The following BTBD10 variants were observed in gnomAD, a reference collection of about 807,000 sequenced individuals.
BTBD10 encodes the protein BTB domain containing 10, also known as BTB/POZ domain-containing protein 10.
In BTBD10, 21 loss-of-function variants were observed where a neutral mutation model predicts 53.2. That is an observed-to-expected ratio of 0.39 (90% confidence interval 0.28 to 0.57). The LOEUF is 0.57. Ranked by LOEUF, BTBD10 falls within the 20% of genes least tolerant of loss-of-function variation. The pLI is 0.53. For synonymous variants in BTBD10, 149 were observed against 192.7 expected (o/e 0.77, Z 1.88); for missense variants, 360 against 594.7 (o/e 0.61, Z 4.10).
chr11:13,389,562 G>A (rs555583056), intron 8 of BTBD10, among the ~76,000 whole-genome samples: 5 of 152,112 alleles, frequency 3.3e-5, no homozygotes, highest in East Asian at 1.9e-4. Flanking sequence ...AGAGTAGCGC[G>A]GATTACAGGC....
chr11:13,412,437 A>T (rs1949978032), intron 6 of BTBD10, among the ~76,000 whole-genome samples: 1 of 152,118 alleles, frequency 6.6e-6, no homozygotes, highest in South Asian at 2.1e-4. Flanking sequence ...TGGGTGACAC[A>T]GCGAGACTCC....
intron 1 of BTBD10, among the ~76,000 whole-genome samples, chr11:13,457,038 T>C (rs1377704071): frequency 6.6e-6 from 1 of 152,158 alleles, no homozygotes; most frequent in East Asian, 1.9e-4. Flanking sequence ...GGCACATGCC[T>C]GTAGTCCCAG....
Position 13,417,279 on chromosome 11 carries a change from G to A in BTBD10, c.585-19C>T, listed in dbSNP as rs1302078987. ...AAACATCCTATGATAGTAAATAATT[G>A]AGAAATACGTCAATAGAATACTTCC... On this transcript the variant is annotated intron_variant, in intron 4 of 8. Coordinates refer to ENST00000278174, the MANE Select transcript of BTBD10 (RefSeq NM_032320.7). 2 of 1,542,400 alleles carry A rather than the reference G, an allele frequency of 1.3e-6. No homozygotes were observed. Among genetic ancestry groups the A allele is most frequent in the South Asian group, 2.3e-5 (2 of 85,674 alleles).
At chr11:13,392,433 A>G (rs981080684) in intron 8 of BTBD10, among the ~76,000 whole-genome samples, 3 of 152,176 alleles carry the variant, frequency 2.0e-5, no homozygotes, top group South Asian at 2.1e-4. Context: ...ACTGGAGCAG[A>G]AAGTGTACTG....
At chr11:13,418,903 C>T (rs1950182795) in intron 4 of BTBD10, among the ~76,000 whole-genome samples, 1 of 151,538 alleles carries the variant, frequency 6.6e-6, no homozygotes, top group Non-Finnish European at 1.5e-5. Context: ...TGATCTATTA[C>T]TCTGGACCAG....
rs529898145 is a variant in BTBD10 at position 13,440,185 on chromosome 11, C to A, written c.101+4839G>T. The A allele has an allele frequency of 1.1e-4, 153 of 1,440,922 alleles. 3 individuals carry two copies. The South Asian group carries it at 1.8e-3, about 17-fold the overall frequency. 89.3% of individuals were successfully genotyped at this position (1,440,922 alleles called of 1,614,324 possible). ...AGGCTTTAAATATTCAGAGATACAA[C>A]CCCCTCTACATATTAATTCAGTTTA... On this transcript the variant is annotated intron_variant, in intron 2 of 8. Transcript: ENST00000278174.
intron 6 of BTBD10, among the ~76,000 whole-genome samples, 153 bp from the exon 7 acceptor site, chr11:13,406,009 T>C (rs1043852899): frequency 6.6e-6 from 1 of 152,158 alleles, no homozygotes; most frequent in Admixed American, 6.5e-5. Flanking sequence ...ATTACAAAAC[T>C]AATTTGCAAA....
intron 8 of BTBD10, among the ~76,000 whole-genome samples, chr11:13,389,450 A>G (rs1949349831): frequency 6.8e-6 from 1 of 147,442 alleles, no homozygotes; most frequent in Non-Finnish European, 1.5e-5. Context: ...TTTTTTTGAC[A>G]TGGAGTCTCA....
chr11:13,422,407 G>T (rs1289393905), intron 2 of BTBD10, among the ~76,000 whole-genome samples: 1 of 152,062 alleles, frequency 6.6e-6, no homozygotes, highest in Non-Finnish European at 1.5e-5. Flanking sequence ...CAACGCTTTG[G>T]GAGGCCAATG....
intron 2 of BTBD10, among the ~76,000 whole-genome samples, chr11:13,438,653 T>C (rs1052585211): frequency 6.6e-6 from 1 of 151,996 alleles, no homozygotes; most frequent in African/African-American, 2.4e-5. Flanking sequence ...TAGATTTTTA[T>C]ATATACACAG....
At chr11:13,453,124 G>A (rs770573508) in intron 1 of BTBD10, among the ~76,000 whole-genome samples, 2 of 151,746 alleles carry the variant, frequency 1.3e-5, no homozygotes, top group Non-Finnish European at 2.9e-5. Context: ...CTAGTTTATC[G>A]GTTAAAACTC....
intron 2 of BTBD10, among the ~76,000 whole-genome samples, chr11:13,430,111 A>T (rs1291508376): frequency 6.6e-6 from 1 of 152,204 alleles, no homozygotes; most frequent in Non-Finnish European, 1.5e-5. Flanking sequence ...ACTGTTTCAA[A>T]AAAATAAATA....
chr11:13,414,844 G>GAAAAAAAAA (rs71041526), intron 5 of BTBD10, among the ~76,000 whole-genome samples: 4 of 85,122 alleles, frequency 4.7e-5, no homozygotes, highest in African/African-American at 4.7e-5. Flanking sequence ...CATCTCAAAC[G>GAAAAAAAAA]AAAAAAAAAA....
At position 13,399,995 on chromosome 11, in the gene BTBD10, G is replaced by A. The variant is rs533450674; in HGVS notation, c.1117+3173C>T. 1.6e-4 allele frequency among the ~76,000 whole-genome samples: 24 copies of A among 152,360 alleles called. No individual in the cohort carries two copies. The South Asian group carries it at 4.6e-3, about 29-fold the overall frequency. ...TCCCAGTTAGGCTACTCGGGGCTCAGGGACCCACTTCAGGAGGCAGTCTGC... is the reference window on the plus strand; with the variant it reads ...TCCCAGTTAGGCTACTCGGGGCTCAAGGACCCACTTCAGGAGGCAGTCTGC... On this transcript the variant is annotated intron_variant, in intron 8 of 8. Coordinates refer to ENST00000278174, the MANE Select transcript of BTBD10 (RefSeq NM_032320.7).
At chr11:13,411,900 C>T (rs1253651162) in intron 6 of BTBD10, among the ~76,000 whole-genome samples, 1 of 151,166 alleles carries the variant, frequency 6.6e-6, no homozygotes, top group Non-Finnish European at 1.5e-5. Context: ...GGCGCAATCT[C>T]GGCTCACCAC....
intron 6 of BTBD10, among the ~76,000 whole-genome samples, chr11:13,409,835 C>A (rs1005934585): frequency 6.6e-6 from 1 of 152,180 alleles, no homozygotes; most frequent in Admixed American, 6.5e-5. Flanking sequence ...GGGACAATGT[C>A]TGTCTTTATT....
At chr11:13,420,209 C>T (rs1190252467) in intron 3 of BTBD10, among the ~76,000 whole-genome samples, 2 of 152,064 alleles carry the variant, frequency 1.3e-5, no homozygotes, top group African/African-American at 2.4e-5. Flanking sequence ...TCTTTAGAAT[C>T]TCACTACGTT....
chr11:13,454,702 A>G (rs1312924003), intron 1 of BTBD10, among the ~76,000 whole-genome samples: 1 of 151,864 alleles, frequency 6.6e-6, no homozygotes, highest in Non-Finnish European at 1.5e-5. Context: ...ATAAAAAAAT[A>G]AATTAAATAA....
At chr11:13,394,754 C>T (rs2135737789) in intron 8 of BTBD10, among the ~76,000 whole-genome samples, 1 of 149,022 alleles carries the variant, frequency 6.7e-6, no homozygotes, top group South Asian at 2.2e-4. Context: ...TCCATGTGTT[C>T]TCATTGTTCA....
Sources: gnomAD v4.1 joint callset for allele counts (sites outside exome capture counted in the v4.1 genomes callset) on GRCh38, gnomAD v4.1.1 for gene constraint, MANE v1.5 for transcripts, NCBI Gene and HGNC (gene_info 2026-07-23, HGNC 2026-07-21) for gene names.